The following AFAP1L2 variants were observed in gnomAD, a reference collection of about 807,000 sequenced individuals.
AFAP1L2 encodes the protein actin filament associated protein 1 like 2.
Under a neutral mutation model 99.3 loss-of-function variants are expected in AFAP1L2, and 46 were observed. That is an observed-to-expected ratio of 0.46 (90% CI 0.37 to 0.59). The LOEUF (loss-of-function observed/expected upper bound fraction) is 0.59. Among genes scored for constraint, AFAP1L2 ranks in the 20% least tolerant of loss-of-function variants. The probability of loss-of-function intolerance (pLI) is 0.00; values close to 1 mark genes in which losing one functional copy is unlikely to be tolerated. For missense variants in AFAP1L2, 959 were observed against 1,034.9 expected, an observed-to-expected ratio of 0.93 and a Z score of 1.01; for synonymous variants, 397 against 419.1, an observed-to-expected ratio of 0.95 and a Z score of 0.64.
chr10:114,385,420 T>A (rs781641508), intron 1 of AFAP1L2, among the ~76,000 whole-genome samples: 1 of 152,110 alleles, frequency 6.6e-6, no homozygotes, highest in African/African-American at 2.4e-5. Flanking sequence ...GATCCAAACA[T>A]GGCTGCAGGT....
intron 9 of AFAP1L2, among the ~76,000 whole-genome samples, 165 bp from the exon 10 acceptor site, chr10:114,308,074 C>T (rs943094391): frequency 6.6e-6 from 1 of 152,176 alleles, no homozygotes; most frequent in African/African-American, 2.4e-5. Context: ...CTCCTCAAAC[C>T]AGGACCTGCA....
At chr10:114,305,134 G>A in intron 10 of AFAP1L2, 1 of 508,012 alleles carries the variant, frequency 2.0e-6, no homozygotes, top group East Asian at 3.8e-5. Context: ...AGGGGACGCA[G>A]ATGCAGGAGG....
chr10:114,294,863 AACTCACCACTTGGT>A lies in AFAP1L2; in HGVS notation c.*1165_*1178del. On this transcript the variant is annotated 3_prime_UTR_variant, in exon 19 of 19. Transcript: ENST00000304129. The stretch of plus-strand genomic sequence containing the variant: ...ACATTTTATTTTAAAAAACCTAACT[AACTCACCACTTGGT>A]AAAAGGTCACCAAATGTTTATGAGA... The A allele has an allele frequency of 2.1e-6, 1 of 475,202 alleles. No homozygotes were observed. Among genetic ancestry groups the A allele is most frequent in the Non-Finnish European group, 2.8e-6 (1 of 361,282 alleles). The allele number at this position is 475,202 out of a possible 1,614,324, so 29.4% of individuals were successfully genotyped here.
At chr10:114,296,698 C>T (rs1030384352) in intron 18 of AFAP1L2, 3 of 395,220 alleles carry the variant, frequency 7.6e-6, no homozygotes, top group Non-Finnish European at 1.4e-5. Flanking sequence ...CTGCAGCTGG[C>T]CTCCTGGAAT....
chr10:114,362,023 T>C (rs538135726), intron 1 of AFAP1L2, among the ~76,000 whole-genome samples: 5 of 152,322 alleles, frequency 3.3e-5, no homozygotes, highest in Non-Finnish European at 7.4e-5. Flanking sequence ...GGACCCTGTA[T>C]AGTGGAGAGA....
the AFAP1L2 span, chr10:114,289,220 A>G: frequency 4.8e-5 from 78 of 1,613,874 alleles, no homozygotes; most frequent in Non-Finnish European, 6.4e-5. Flanking sequence ...CTGCACATCT[A>G]TGACAAAGTG....
At chr10:114,351,403 G>T (rs182234982) in intron 1 of AFAP1L2, among the ~76,000 whole-genome samples, 2 of 152,322 alleles carry the variant, frequency 1.3e-5, no homozygotes, top group African/African-American at 4.8e-5. Context: ...GAAAATCACC[G>T]TATGTCCAGA....
chr10:114,337,515 T>C (rs1019662789), intron 2 of AFAP1L2, among the ~76,000 whole-genome samples: 6 of 152,078 alleles, frequency 3.9e-5, no homozygotes, highest in Non-Finnish European at 7.4e-5. Context: ...TGTGCATGGG[T>C]GGCACTCTGG....
At chr10:114,308,005 C>T (rs1372679672) in intron 9 of AFAP1L2, 96 bp from the exon 10 acceptor site, 3 of 990,516 alleles carry the variant, frequency 3.0e-6, no homozygotes, top group Admixed American at 1.9e-5. Context: ...TCCACTCCAT[C>T]CACCCATCCC....
At chr10:114,308,631 A>G in intron 8 of AFAP1L2, 114 bp from the exon 9 acceptor site, 1 of 897,784 alleles carries the variant, frequency 1.1e-6, no homozygotes, top group Non-Finnish European at 1.7e-6. Flanking sequence ...AGGTCAGCTG[A>G]GCAAATCCCT....
chr10:114,310,736 G>C (rs1027457118), intron 7 of AFAP1L2, among the ~76,000 whole-genome samples: 23 of 152,166 alleles, frequency 1.5e-4, no homozygotes, highest in African/African-American at 4.8e-4. Context: ...AAGATGACCA[G>C]AGCCACCAGC....
At chr10:114,348,464 G>T (rs1257440846) in intron 1 of AFAP1L2, among the ~76,000 whole-genome samples, 1 of 152,090 alleles carries the variant, frequency 6.6e-6, no homozygotes, top group Non-Finnish European at 1.5e-5. Flanking sequence ...GATTCATCCC[G>T]GTTGTAATGC....
rs182697359 is a variant in AFAP1L2 at position 114,389,198 on chromosome 10, C to T, written c.16+15242G>A. On this transcript the variant is annotated intron_variant, in intron 1 of 18. Coordinates refer to ENST00000304129, the MANE Select transcript of AFAP1L2 (RefSeq NM_001001936.3). ...TCTGGGGCCCAGGCAGGACACAATGCGAGGCAAACAGGGACTCTGGTCATC... is the reference window on the plus strand; with the variant it reads ...TCTGGGGCCCAGGCAGGACACAATGTGAGGCAAACAGGGACTCTGGTCATC... Among the ~76,000 whole-genome samples, 524 of 152,188 alleles carry T rather than the reference C, an allele frequency of 3.4e-3. 4 individuals are homozygous for T. The highest frequency in any genetic ancestry group is 0.012 in the African/African-American group (480 of 41,496).
intron 1 of AFAP1L2, among the ~76,000 whole-genome samples, chr10:114,374,357 C>T (rs1414588284): frequency 6.6e-6 from 1 of 152,212 alleles, no homozygotes; most frequent in Non-Finnish European, 1.5e-5. Context: ...GCTGGCTAAA[C>T]CTCTGGCACA....
Position 114,375,100 on chromosome 10 carries a change from T to C in AFAP1L2, c.16+29340A>G, listed in dbSNP as rs538282165. On this transcript the variant is annotated intron_variant, in intron 1 of 18. Coordinates refer to ENST00000304129, the MANE Select transcript of AFAP1L2 (RefSeq NM_001001936.3). Reference sequence around the variant, plus strand: ...CTGTTTTTATATGGCCCTCAAGCCATACAAATGGCTTTTACATTTTTAAAT... The same window carrying C: ...CTGTTTTTATATGGCCCTCAAGCCACACAAATGGCTTTTACATTTTTAAAT... Among the ~76,000 whole-genome samples the C allele has an allele frequency of 3.9e-5, 6 of 152,270 alleles. No individual in the cohort carries two copies. The South Asian group carries it at 1.2e-3, about 32-fold the overall frequency.
At chr10:114,360,700 T>C (rs2052266232) in intron 1 of AFAP1L2, among the ~76,000 whole-genome samples, 1 of 152,198 alleles carries the variant, frequency 6.6e-6, no homozygotes, top group African/African-American at 2.4e-5. Flanking sequence ...AGAAAAATGT[T>C]ACACAGTTGG....
chr10:114,335,993 C>T (rs1355537003), intron 2 of AFAP1L2, among the ~76,000 whole-genome samples: 1 of 76,894 alleles, frequency 1.3e-5, no homozygotes, highest in Non-Finnish European at 4.2e-5. Flanking sequence ...GTTCACATAC[C>T]TATACAAAAA....
chr10:114,303,022 G>A (rs1031339937), intron 11 of AFAP1L2, among the ~76,000 whole-genome samples: 3 of 152,068 alleles, frequency 2.0e-5, no homozygotes, highest in Admixed American at 6.6e-5. Context: ...TAGCTCAGCT[G>A]CTAAATCATC....
chr10:114,300,414 G>GGTC (rs1453245678), intron 14 of AFAP1L2, 31 bp downstream of exon 14: 4 of 1,584,138 alleles, frequency 2.5e-6, no homozygotes, highest in Non-Finnish European at 3.4e-6. Context: ...GCAGGAAGGT[G>GGTC]GTCTTGCTGT....
Sources: gnomAD v4.1 joint callset for allele counts (sites outside exome capture counted in the v4.1 genomes callset) on GRCh38, gnomAD v4.1.1 for gene constraint, MANE v1.5 for transcripts, NCBI Gene and HGNC (gene_info 2026-07-23, HGNC 2026-07-21) for gene names.